NELL1: variants seen among roughly 807,000 people sequenced by gnomAD.
NELL1 encodes the protein protein kinase C-binding protein NELL1.
Under a neutral mutation model 107.4 loss-of-function variants are expected in NELL1, and 76 were observed. The observed-to-expected ratio is 0.71, with a 90% CI of 0.59 to 0.86. The LOEUF is 0.86. Ranked by LOEUF, NELL1 falls within the 40% of genes least tolerant of loss-of-function variation. NELL1 has a pLI of 0.00. For missense variants in NELL1, 1,024 were observed against 1,005.5 expected, an observed-to-expected ratio of 1.02 and a Z score of -0.25; for synonymous variants, 353 against 341.2, an observed-to-expected ratio of 1.03 and a Z score of -0.38.
intron 12 of NELL1, among the ~76,000 whole-genome samples, chr11:21,030,997 C>G (rs1430360250): frequency 6.6e-6 from 1 of 152,198 alleles, no homozygotes; most frequent in African/African-American, 2.4e-5. Context: ...TCCCAAGTAG[C>G]TGGGACTGTG....
chr11:21,353,432 G>T (rs1482322943), intron 14 of NELL1, among the ~76,000 whole-genome samples: 2 of 152,166 alleles, frequency 1.3e-5, no homozygotes, highest in Non-Finnish European at 2.9e-5. Context: ...ATTAAATCCA[G>T]ATTTGTCTGT....
chr11:21,482,294 C>T (rs1166693413), intron 15 of NELL1, among the ~76,000 whole-genome samples: 1 of 152,160 alleles, frequency 6.6e-6, no homozygotes, highest in Non-Finnish European at 1.5e-5. Context: ...GCTTTTATGT[C>T]ATTCCCCAAA....
chr11:21,506,455 C>T (rs968035331), intron 15 of NELL1, among the ~76,000 whole-genome samples: 4 of 152,130 alleles, frequency 2.6e-5, no homozygotes, highest in Non-Finnish European at 4.4e-5. Context: ...TGACTCTGTG[C>T]TCTTTAGTTG....
At chr11:20,725,959 TCCCAATG>T (rs1454261477) in intron 2 of NELL1, among the ~76,000 whole-genome samples, 1 of 152,216 alleles carries the variant, frequency 6.6e-6, no homozygotes, top group African/African-American at 2.4e-5. Context: ...TGTCCATGTT[TCCCAATG>T]TTTAGCTCCC....
intron 13 of NELL1, among the ~76,000 whole-genome samples, chr11:21,162,126 T>C (rs991829881): frequency 2.0e-5 from 3 of 151,994 alleles, no homozygotes; most frequent in Admixed American, 6.6e-5. Flanking sequence ...AAGTTTTGTA[T>C]GTTTAGTAGA....
intron 12 of NELL1, among the ~76,000 whole-genome samples, chr11:21,092,283 G>A (rs1346227111): frequency 2.0e-5 from 3 of 152,066 alleles, no homozygotes; most frequent in Non-Finnish European, 2.9e-5. Context: ...ATAGCTCAGT[G>A]GTTAAGGGTC....
At chr11:21,253,732 A>T (rs1161546974) in intron 14 of NELL1, among the ~76,000 whole-genome samples, 1 of 152,148 alleles carries the variant, frequency 6.6e-6, no homozygotes, top group Non-Finnish European at 1.5e-5. Context: ...ACTCTATAAT[A>T]GTCAGTCAGC....
At chr11:21,246,972 T>C (rs892564300) in intron 14 of NELL1, among the ~76,000 whole-genome samples, 4 of 152,192 alleles carry the variant, frequency 2.6e-5, no homozygotes, top group African/African-American at 9.7e-5. Context: ...CCACAACATG[T>C]GGGAATTATG....
At chr11:20,673,056 T>G (rs1406897064) in intron 1 of NELL1, among the ~76,000 whole-genome samples, 1 of 148,854 alleles carries the variant, frequency 6.7e-6, no homozygotes, top group Non-Finnish European at 1.5e-5. Flanking sequence ...GAGATGGAGT[T>G]TCTTCATATT....
chr11:21,468,069 T>TTAATG (rs1467562810), intron 15 of NELL1, among the ~76,000 whole-genome samples: 2 of 152,116 alleles, frequency 1.3e-5, no homozygotes, highest in Non-Finnish European at 2.9e-5. Context: ...CCATTTGTAA[T>TTAATG]TAATGTATTA....
chr11:20,967,460 C>T lies in NELL1; in HGVS notation c.1300+6900C>T, dbSNP rs529220207. ...TTGTACTACAAAGATATCCTGAGTT[C>T]CAGGGTGTTGAAAACAGAGAATCAG... On this transcript the variant is annotated intron_variant, in intron 12 of 19. Transcript: ENST00000357134. Among the ~76,000 whole-genome samples the T allele has an allele frequency of 8.5e-5, 13 of 152,162 alleles. No individual in the cohort carries two copies. In the South Asian group the frequency reaches 2.7e-3, roughly 31 times the overall value.
intron 14 of NELL1, among the ~76,000 whole-genome samples, chr11:21,280,506 G>C (rs763706140): frequency 2.2e-4 from 34 of 152,164 alleles, no homozygotes; most frequent in Non-Finnish European, 3.5e-4. Context: ...GACATGAAGA[G>C]AGAATCTGTG....
chr11:21,350,366 T>TTAA (rs1555009126), intron 14 of NELL1, among the ~76,000 whole-genome samples: 2 of 145,820 alleles, frequency 1.4e-5, no homozygotes, highest in African/African-American at 5.0e-5. Flanking sequence ...AAGATCTTTT[T>TTAA]AAAAAAAAAA....
At chr11:20,921,685 C>G (rs1850379144) in intron 7 of NELL1, among the ~76,000 whole-genome samples, 1 of 151,738 alleles carries the variant, frequency 6.6e-6, no homozygotes. Flanking sequence ...TTGAGCTGAA[C>G]TAAAGTTTTC....
chr11:20,693,726 CT>C (rs1854536311), intron 2 of NELL1, among the ~76,000 whole-genome samples: 1 of 151,908 alleles, frequency 6.6e-6, no homozygotes, highest in African/African-American at 2.4e-5. Flanking sequence ...ACATTTTTTC[CT>C]TCATTTCAAC....
chr11:21,084,431 C>A (rs1334676649), intron 12 of NELL1, among the ~76,000 whole-genome samples: 1 of 152,156 alleles, frequency 6.6e-6, no homozygotes, highest in African/African-American at 2.4e-5. Flanking sequence ...TGAATACTTT[C>A]TAAACATAGT....
intron 16 of NELL1, among the ~76,000 whole-genome samples, chr11:21,541,956 A>C (rs1478050825): frequency 6.6e-6 from 1 of 152,116 alleles, no homozygotes; most frequent in Non-Finnish European, 1.5e-5. Context: ...CACTGCTCTC[A>C]GCAATTTACA....
rs1204649608 is a variant in NELL1 at position 21,524,174 on chromosome 11, C to A, written c.1646-10200C>A. 2.0e-5 allele frequency among the ~76,000 whole-genome samples: 3 copies of A among 152,056 alleles called. No individual in the cohort carries two copies. In the East Asian group the frequency reaches 5.8e-4, roughly 29 times the overall value. ...GAGTTAAGTAGACCTTGGTTTAAAT[C>A]CCCACTCTGTCACTTTCCAGATGTT... On this transcript the variant is annotated intron_variant, in intron 15 of 19. Transcript: ENST00000357134.
chr11:21,283,354 A>T (rs1849040418), intron 14 of NELL1, among the ~76,000 whole-genome samples: 1 of 152,218 alleles, frequency 6.6e-6, no homozygotes, highest in African/African-American at 2.4e-5. Flanking sequence ...AAAAAATAAG[A>T]TAGAACAAAT....
Sources: gnomAD v4.1 joint callset for allele counts (sites outside exome capture counted in the v4.1 genomes callset) on GRCh38, gnomAD v4.1.1 for gene constraint, MANE v1.5 for transcripts, NCBI Gene and HGNC (gene_info 2026-07-23, HGNC 2026-07-21) for gene names.